The following CACNA2D1 variants were observed in gnomAD, a reference collection of about 807,000 sequenced individuals.
CACNA2D1 encodes calcium voltage-gated channel auxiliary subunit alpha2delta 1.
A neutral mutation model predicts 171.5 loss-of-function variants in CACNA2D1; 53 were observed. The ratio of observed to expected loss-of-function variants is 0.31; its 90% CI spans 0.25 to 0.39. The LOEUF is 0.39. CACNA2D1 is among the 10% of genes least tolerant of loss of function. CACNA2D1 has a pLI of 1.00. For missense variants in CACNA2D1, 903 were observed against 1,299.8 expected (o/e 0.69, Z 4.69); for synonymous variants, 442 against 443.1 (o/e 1.00, Z 0.03).
At chr7:82,093,162 G>A (rs995389122) in intron 6 of CACNA2D1, among the ~76,000 whole-genome samples, 3 of 152,174 alleles carry the variant, frequency 2.0e-5, no homozygotes, top group Non-Finnish European at 4.4e-5. Flanking sequence ...TCTGTCAGAA[G>A]TAACCACTTG....
intron 1 of CACNA2D1, among the ~76,000 whole-genome samples, chr7:82,397,520 G>C (rs1485436746): frequency 1.3e-5 from 2 of 151,874 alleles, no homozygotes; most frequent in African/African-American, 4.8e-5. Context: ...CTAGAATTGA[G>C]CATTTAAAAA....
chr7:82,221,552 C>A (rs1311407125), intron 3 of CACNA2D1, among the ~76,000 whole-genome samples: 2 of 152,032 alleles, frequency 1.3e-5, no homozygotes, highest in Non-Finnish European at 2.9e-5. Flanking sequence ...TGAGACCAGC[C>A]TGGCCAACAT....
At chr7:82,000,249 C>T (rs1798447773) in intron 18 of CACNA2D1, among the ~76,000 whole-genome samples, 1 of 151,772 alleles carries the variant, frequency 6.6e-6, no homozygotes, top group Admixed American at 6.6e-5. Flanking sequence ...CAGAGTGAGA[C>T]CCATCTCAGA....
At position 81,974,566 on chromosome 7, in the gene CACNA2D1, AT is replaced by A. The variant is rs1795630104; in HGVS notation, c.1956-15del. On this transcript the variant is annotated splice_polypyrimidine_tract_variant and intron_variant, in intron 24 of 38. Coordinates refer to ENST00000356860, the MANE Select transcript of CACNA2D1 (RefSeq NM_000722.4). The stretch of plus-strand genomic sequence containing the variant: ...TTGCAGTAATCTCTGAAAAAAAAAC[AT>A]TTTGAGATATTAGATATTAAAATCA... 8.0e-7 allele frequency: 1 copy of A among 1,252,828 alleles called. No individual in the cohort carries two copies. The allele number at this position is 1,252,828 out of a possible 1,614,324, so 77.6% of individuals were successfully genotyped here. A position where few individuals can be genotyped will look rare whatever the true frequency, so the allele number is the denominator to read the frequency against.
chr7:82,132,664 C>T (rs1791131487), intron 5 of CACNA2D1, among the ~76,000 whole-genome samples: 1 of 152,086 alleles, frequency 6.6e-6, no homozygotes, highest in South Asian at 2.1e-4. Context: ...GGGAGAAGAA[C>T]CTTGAGGGCT....
intron 5 of CACNA2D1, among the ~76,000 whole-genome samples, chr7:82,127,685 A>T (rs940847632): frequency 2.0e-5 from 3 of 152,172 alleles, no homozygotes; most frequent in Admixed American, 6.5e-5. Context: ...GTTTAAAGAG[A>T]GTTATTATTT....
At chr7:82,266,807 G>A (rs28535560) in intron 3 of CACNA2D1, among the ~76,000 whole-genome samples, 56,060 of 151,942 alleles carry the variant, frequency 0.37, 11,423 homozygotes, top group African/African-American at 0.55. Context: ...GTGAGCCACT[G>A]CACCCAGCCT....
chr7:82,163,508 A>G (rs1427131922), intron 4 of CACNA2D1, among the ~76,000 whole-genome samples: 4 of 152,054 alleles, frequency 2.6e-5, no homozygotes, highest in Admixed American at 6.6e-5. Flanking sequence ...AGATGAGGGT[A>G]AAGTAAGAAA....
intron 5 of CACNA2D1, among the ~76,000 whole-genome samples, chr7:82,134,518 T>C (rs569942753): frequency 1.2e-4 from 19 of 152,338 alleles, no homozygotes; most frequent in Admixed American, 9.8e-4. Flanking sequence ...TATAAAGCAA[T>C]TGAGTTTTCT....
intron 3 of CACNA2D1, among the ~76,000 whole-genome samples, chr7:82,274,855 TATGAATGA>T (rs71522608): frequency 0.017 from 2,544 of 150,382 alleles, 21 homozygotes; most frequent in Middle Eastern, 0.027. Context: ...TACAGGTATT[TATGAATGA>T]ATGAATGAAT....
chr7:82,090,239 C>G (rs1260610509), intron 6 of CACNA2D1, among the ~76,000 whole-genome samples: 2 of 152,060 alleles, frequency 1.3e-5, no homozygotes, highest in East Asian at 3.9e-4. Context: ...TCTTTTAAAA[C>G]TGAATCTTTG....
At chr7:82,218,876 C>T (rs1037164576) in intron 3 of CACNA2D1, among the ~76,000 whole-genome samples, 3 of 151,802 alleles carry the variant, frequency 2.0e-5, no homozygotes, top group Admixed American at 6.6e-5. Context: ...TATGTATTTT[C>T]ATTAATTTTT....
At chr7:82,360,259 T>C (rs1313589790) in intron 1 of CACNA2D1, among the ~76,000 whole-genome samples, 2 of 152,014 alleles carry the variant, frequency 1.3e-5, no homozygotes, top group African/African-American at 2.4e-5. Flanking sequence ...AGAAAGAAAA[T>C]AACATTTGCA....
intron 3 of CACNA2D1, among the ~76,000 whole-genome samples, chr7:82,232,457 T>C (rs1482204668): frequency 6.6e-6 from 1 of 152,126 alleles, no homozygotes; most frequent in African/African-American, 2.4e-5. Flanking sequence ...CTAAACTTAG[T>C]TGAAAATAGA....
chr7:82,209,610 C>G (rs538573954), intron 3 of CACNA2D1, among the ~76,000 whole-genome samples: 1 of 152,098 alleles, frequency 6.6e-6, no homozygotes, highest in East Asian at 1.9e-4. Flanking sequence ...TTGTTCCCAA[C>G]AGTTATAAGA....
intron 3 of CACNA2D1, among the ~76,000 whole-genome samples, chr7:82,217,394 C>CATATATATATATATATAGAT (rs1801245314): frequency 9.8e-6 from 1 of 102,546 alleles, no homozygotes. Context: ...CACACACATA[C>CATATATATATATATATAGAT]ATATATATAT....
intron 1 of CACNA2D1, among the ~76,000 whole-genome samples, chr7:82,433,309 C>A (rs1829865137): frequency 1.3e-5 from 2 of 152,040 alleles, no homozygotes; most frequent in Admixed American, 1.3e-4. Flanking sequence ...GTTGCTGTGT[C>A]CAAAGGTAAT....
chr7:82,256,850 T>C (rs533111145), intron 3 of CACNA2D1, among the ~76,000 whole-genome samples: 2 of 152,296 alleles, frequency 1.3e-5, no homozygotes, highest in Admixed American at 1.3e-4. Flanking sequence ...GTAAGATACA[T>C]TTCACAAAAG....
At chr7:82,443,333 G>A (rs779381295) in intron 1 of CACNA2D1, 32 bp downstream of exon 1, 44 of 1,586,438 alleles carry the variant, frequency 2.8e-5, no homozygotes, top group Middle Eastern at 1.7e-4. Context: ...GCGCCCCTCG[G>A]CCGGCGCTCC....
Sources: allele counts gnomAD v4.1 joint callset (sites outside exome capture counted in the v4.1 genomes callset), GRCh38; gene constraint gnomAD v4.1.1; transcripts MANE v1.5; gene names NCBI Gene and HGNC (gene_info 2026-07-23, HGNC 2026-07-21).